TLE6: variants seen among roughly 807,000 people sequenced by gnomAD.
TLE6 encodes the protein TLE family member 6, subcortical maternal complex member, also known as transducin-like enhancer protein 6.
In TLE6, 72 loss-of-function variants were observed where a neutral mutation model predicts 77.1. The ratio of observed to expected loss-of-function variants is 0.93; its 90% confidence interval spans 0.77 to 1.14. TLE6 has a LOEUF of 1.14. Among genes scored for constraint, TLE6 ranks in the 50% most tolerant of loss-of-function variants. The pLI, the probability that TLE6 is intolerant of heterozygous loss-of-function variation, is 0.00. For synonymous variants in TLE6, 366 were observed against 287.3 expected (o/e 1.27, Z -2.77); for missense variants, 843 against 747.6 (o/e 1.13, Z -1.49).
In TLE6 at chr19:2,993,481, T is replaced by C. The variant is rs751175290; in HGVS notation, c.1436T>C (p.Met479Thr). The C allele has an allele frequency of 6.2e-7, 1 of 1,601,778 alleles. No homozygotes were observed. The highest frequency in any genetic ancestry group is 8.5e-7 in the Non-Finnish European group (1 of 1,170,694). The change falls in exon 15 of 17, where the codon ATG (methionine) becomes ACG (threonine). Residue 479 changes from methionine to threonine, a missense_variant. Transcript: ENST00000246112. ...SPQEDWVLLG[M>T]ANGQQWLQST... is the part of the protein sequence containing the mutation. ...CAGGAGGACTGGGTGCTGCTGGGCA[T>C]GGCCAATGGCCAGCAGTGGCTGCAA...
chr19:2,989,480 G>T (rs1297509086), intron 12 of TLE6, 55 bp from the exon 13 acceptor site: 11 of 1,583,924 alleles, frequency 6.9e-6, no homozygotes, highest in Admixed American at 1.7e-5. Flanking sequence ...AGGCAAAGCA[G>T]TCCAGGCAGA....
chr19:2,982,073 G>A, intron 4 of TLE6, 75 bp from the exon 5 acceptor site: 2 of 1,486,474 alleles, frequency 1.3e-6, no homozygotes, highest in East Asian at 2.5e-5. Context: ...CAGAGAGGTA[G>A]AGCAGCTTGC....
At chr19:2,994,119 G>A (rs753184747) in intron 16 of TLE6, 24 bp downstream of exon 16, 2 of 1,584,394 alleles carry the variant, frequency 1.3e-6, no homozygotes, top group Non-Finnish European at 1.7e-6. Context: ...CTGGGGGCAG[G>A]ACCCGGGGGT....
intron 5 of TLE6, 27 bp downstream of exon 5, chr19:2,982,216 G>A (rs769643655): frequency 4.8e-5 from 74 of 1,550,774 alleles, no homozygotes; most frequent in Middle Eastern, 1.7e-4. Flanking sequence ...TCAGGGGTGC[G>A]GCTGTCCCTC....
intron 16 of TLE6, among the ~76,000 whole-genome samples, chr19:2,994,310 T>C (rs1370543975): frequency 6.6e-6 from 1 of 151,580 alleles, no homozygotes; most frequent in East Asian, 2.0e-4. Context: ...ACCCCATCTC[T>C]ACAAAAAATA....
At chr19:2,991,033 C>G (rs866031714) in intron 13 of TLE6, among the ~76,000 whole-genome samples, 1 of 116,894 alleles carries the variant, frequency 8.6e-6, no homozygotes, top group Non-Finnish European at 1.7e-5. Flanking sequence ...TACATACATA[C>G]ATACATACAT....
chr19:2,981,491 G>C (rs562754541), intron 3 of TLE6, 47 bp from the exon 4 acceptor site: 1 of 1,546,988 alleles, frequency 6.5e-7, no homozygotes, highest in East Asian at 2.4e-5. Flanking sequence ...TCTGGGGAGG[G>C]AGTCCTGAAG....
chr19:2,992,801 AGG>A (rs2089104487), intron 14 of TLE6, among the ~76,000 whole-genome samples: 7 of 8,168 alleles, frequency 8.6e-4, no homozygotes, highest in East Asian at 5.5e-3. Context: ...AAAGGGGGGG[AGG>A]CGGGTGGGGG....
At chr19:2,987,683 A>G in intron 8 of TLE6, 41 bp from the exon 9 acceptor site, 1 of 1,609,666 alleles carries the variant, frequency 6.2e-7, no homozygotes, top group Non-Finnish European at 8.5e-7. Context: ...TGGTCCTAAC[A>G]GGCAGGTCAG....
In TLE6 at chr19:2,987,076, A is replaced by C. The variant is rs1293883827; in HGVS notation, c.379A>C (p.Arg127=). The change falls in exon 7 of 17, where the codon AGG becomes CGG. Residue 127 remains arginine (R), a synonymous_variant. Coordinates refer to ENST00000246112, the MANE Select transcript of TLE6 (RefSeq NM_001143986.2). ...ESSFEDIMAT[R]SSDWLRRPLG... ...GAGCTTTGAGGACATCATGGCCACC[A>C]GGTCCTCCGACTGGCTCCGGCGGCC... is the stretch of plus-strand genomic sequence containing the variant. The C allele has an allele frequency of 6.2e-7, 1 of 1,614,174 alleles. No homozygotes were observed. Among genetic ancestry groups the C allele is most frequent in the South Asian group, 1.1e-5 (1 of 91,086 alleles).
At position 2,988,126 on chromosome 19, in the gene TLE6, C is replaced by A; in HGVS notation, c.738C>A (p.Ser246=). Reference sequence around the variant, plus strand: ...GAAGAGCCTCTCGGTTTCTACAGTCCATGTAAGTGTCTGCACTGTTTGCTT... The same window carrying A: ...GAAGAGCCTCTCGGTTTCTACAGTCAATGTAAGTGTCTGCACTGTTTGCTT... ...PPGRASRFLQ[S]ISWDPEDFED... The change falls in exon 11 of 17, where the codon TCC becomes TCA. Residue 246 remains serine, a splice_region_variant and synonymous_variant. Coordinates refer to ENST00000246112, the MANE Select transcript of TLE6 (RefSeq NM_001143986.2). 6.4e-7 allele frequency: 1 copy of A among 1,551,678 alleles called. No homozygotes were observed. The highest frequency in any genetic ancestry group is 8.7e-7 in the Non-Finnish European group (1 of 1,146,978).
chr19:2,986,949 C>T (rs767139143), intron 6 of TLE6, 34 bp from the exon 7 acceptor site: 1 of 1,560,814 alleles, frequency 6.4e-7, no homozygotes. Flanking sequence ...GGCTCATCCT[C>T]AAAGCTCTCA....
At chr19:2,983,627 G>A (rs377638999) in intron 5 of TLE6, among the ~76,000 whole-genome samples, 1 of 148,946 alleles carries the variant, frequency 6.7e-6, no homozygotes, top group East Asian at 1.9e-4. Context: ...AGAGGAGGAG[G>A]GGGGGAGGGC....
chr19:2,979,367 C>T (rs2088748581), intron 2 of TLE6, among the ~76,000 whole-genome samples: 1 of 151,984 alleles, frequency 6.6e-6, no homozygotes, highest in Non-Finnish European at 1.5e-5. Context: ...CTGCCTCAGC[C>T]TCCCGAGTAG....
intron 2 of TLE6, 107 bp from the exon 3 acceptor site, chr19:2,979,993 A>G: frequency 1.2e-6 from 1 of 830,796 alleles, no homozygotes; most frequent in South Asian, 1.7e-5. Context: ...AAAAACCACA[A>G]TTACTTTTGC....
Position 2,982,027 on chromosome 19 carries a change from G to A in TLE6, c.181-121G>A, listed in dbSNP as rs2088808516. ...AGTAAGAAAGTAAAAGAGAAAACAAGGTGAAAACAAAAATTTAAGGTGGGG... is the reference window on the plus strand; with the variant it reads ...AGTAAGAAAGTAAAAGAGAAAACAAAGTGAAAACAAAAATTTAAGGTGGGG... On this transcript the variant is annotated intron_variant, in intron 4 of 16. Transcript: ENST00000246112. 9.1e-6 allele frequency: 9 copies of A among 987,138 alleles called. No individual in the cohort carries two copies. In the East Asian group the frequency reaches 2.4e-4, roughly 26 times the overall value. 61.1% of individuals were successfully genotyped at this position (987,138 alleles called of 1,614,324 possible).
rs1379204878 is a variant in TLE6, at chr19:2,982,130, T to G, written c.181-18T>G. 6.4e-7 allele frequency: 1 copy of G among 1,551,510 alleles called. No individual in the cohort carries two copies. The highest frequency in any genetic ancestry group is 8.7e-7 in the Non-Finnish European group (1 of 1,146,934). ...ACCCGGACCACCTCCCGATGGGATC[T>G]CTGTTTTCCCTTTGCAGCTGCACAA... On this transcript the variant is annotated intron_variant, in intron 4 of 16. Coordinates refer to ENST00000246112, the MANE Select transcript of TLE6 (RefSeq NM_001143986.2).
Position 2,980,319 on chromosome 19 carries a change from C to G in TLE6, c.134+137C>G, listed in dbSNP as rs1400482218. On this transcript the variant is annotated intron_variant, in intron 3 of 16. Coordinates refer to ENST00000246112, the MANE Select transcript of TLE6 (RefSeq NM_001143986.2). ...TCAGGAACAGGAAGCCATGCAGATA[C>G]CCAGCATGGAGAACCCGGCAATACC... The G allele has an allele frequency of 1.8e-5, 11 of 599,796 alleles. No individual in the cohort carries two copies. The East Asian group carries it at 3.4e-4, about 19-fold the overall frequency. 37.2% of individuals were successfully genotyped at this position (599,796 alleles called of 1,614,324 possible).
chr19:2,978,572 A>AG (rs2088727721), intron 2 of TLE6, among the ~76,000 whole-genome samples: 1 of 152,160 alleles, frequency 6.6e-6, no homozygotes, highest in African/African-American at 2.4e-5. Flanking sequence ...CAACGTAGTG[A>AG]GACCCTGTCT....
Sources: gnomAD v4.1 joint callset for allele counts (sites outside exome capture counted in the v4.1 genomes callset) on GRCh38, gnomAD v4.1.1 for gene constraint, MANE v1.5 for transcripts, NCBI Gene and HGNC (gene_info 2026-07-23, HGNC 2026-07-21) for gene names.